LARGE1: variants seen among roughly 807,000 people sequenced by gnomAD.
LARGE1 encodes the protein xylosyl- and glucuronyltransferase LARGE1.
LARGE1 carries 43 observed loss-of-function variants against 87.6 expected under a neutral mutation model. The observed-to-expected ratio is 0.49, with a 90% CI of 0.38 to 0.63. LARGE1 has a LOEUF of 0.63. Ranked by LOEUF, LARGE1 falls within the 30% of genes least tolerant of loss-of-function variation. The probability of loss-of-function intolerance (pLI) is 0.00; values close to 1 mark genes in which losing one functional copy is unlikely to be tolerated. For synonymous variants in LARGE1, 434 were observed against 394.6 expected (o/e 1.10, Z -1.18); for missense variants, 802 against 1,000.2 (o/e 0.80, Z 2.67).
chr22:33,194,097 A>G (rs912132738), intron 11 of LARGE1, among the ~76,000 whole-genome samples: 4 of 151,820 alleles, frequency 2.6e-5, no homozygotes, highest in Non-Finnish European at 5.9e-5. Flanking sequence ...TTTTATACTT[A>G]CTTTTTATAA....
At chr22:33,430,493 A>G (rs544878929) in intron 7 of LARGE1, among the ~76,000 whole-genome samples, 43 of 152,120 alleles carry the variant, frequency 2.8e-4, no homozygotes, top group Non-Finnish European at 4.9e-4. Context: ...CCAACACAGC[A>G]TGGGAGACTC....
intron 2 of LARGE1, among the ~76,000 whole-genome samples, chr22:33,728,012 A>C (rs2083323080): frequency 6.6e-6 from 1 of 152,174 alleles, no homozygotes; most frequent in Non-Finnish European, 1.5e-5. Context: ...CTGATATCAA[A>C]GGCCAAGTGT....
chr22:33,110,172 C>A, the LARGE1 span, among the ~76,000 whole-genome samples: 1 of 152,152 alleles, frequency 6.6e-6, no homozygotes, highest in African/African-American at 2.4e-5. Flanking sequence ...GTTAAATAAC[C>A]TGTTCAAGGC....
chr22:33,844,644 C>T (rs1017895916), intron 1 of LARGE1, among the ~76,000 whole-genome samples: 2 of 151,786 alleles, frequency 1.3e-5, no homozygotes, highest in African/African-American at 4.8e-5. Flanking sequence ...ACTTGCCTAC[C>T]GTGCGAACTT....
intron 1 of LARGE1, among the ~76,000 whole-genome samples, chr22:33,893,743 C>G (rs1384150219): frequency 6.6e-6 from 1 of 152,198 alleles, no homozygotes; most frequent in African/African-American, 2.4e-5. Context: ...TCCCCACTCA[C>G]AAGGTGTTTG....
chr22:33,104,927 C>CTTTCT, the LARGE1 span, among the ~76,000 whole-genome samples: 4 of 143,432 alleles, frequency 2.8e-5, no homozygotes, highest in Admixed American at 2.9e-4. Flanking sequence ...TTCTTTCTTT[C>CTTTCT]TTTCTTTCTT....
chr22:33,783,203 T>C (rs982182054), intron 1 of LARGE1, among the ~76,000 whole-genome samples: 1 of 151,846 alleles, frequency 6.6e-6, no homozygotes, highest in Admixed American at 6.6e-5. Flanking sequence ...ATCAGAGTGA[T>C]GAGAGTCTCT....
At chr22:33,733,698 T>C (rs934919196) in intron 2 of LARGE1, 1 of 152,230 alleles carries the variant, frequency 6.6e-6, no homozygotes, top group African/African-American at 2.4e-5. Flanking sequence ...AAATCACTAG[T>C]TGTTGGGAAT....
chr22:33,571,542 G>T (rs75207079), intron 5 of LARGE1, among the ~76,000 whole-genome samples: 2,294 of 152,274 alleles, frequency 0.015, 27 homozygotes, highest in Middle Eastern at 0.024. Flanking sequence ...AACAGGAAAA[G>T]AGACTGGTTT....
At chr22:33,344,321 G>C (rs1939494264) in intron 9 of LARGE1, among the ~76,000 whole-genome samples, 1 of 152,018 alleles carries the variant, frequency 6.6e-6, no homozygotes, top group South Asian at 2.1e-4. Context: ...ACTGATCTGG[G>C]GGCTGTGAAT....
intron 2 of LARGE1, among the ~76,000 whole-genome samples, chr22:33,670,239 A>G (rs1052113515): frequency 2.6e-5 from 4 of 152,046 alleles, no homozygotes; most frequent in East Asian, 1.9e-4. Flanking sequence ...ATCAATCACT[A>G]TAAAGCCTAG....
At chr22:33,422,291 T>C (rs2066719490) in intron 7 of LARGE1, among the ~76,000 whole-genome samples, 1 of 152,180 alleles carries the variant, frequency 6.6e-6, no homozygotes, top group Non-Finnish European at 1.5e-5. Context: ...CTCGTGTTGC[T>C]ACAGGGAAAT....
chr22:33,187,645 G>A (rs369777508), intron 11 of LARGE1, among the ~76,000 whole-genome samples: 7 of 151,950 alleles, frequency 4.6e-5, no homozygotes, highest in Non-Finnish European at 5.9e-5. Flanking sequence ...GAGGCCGGGC[G>A]CGATGGCTCA....
intron 2 of LARGE1, among the ~76,000 whole-genome samples, chr22:33,718,867 G>A (rs913953353): frequency 2.6e-5 from 4 of 152,030 alleles, no homozygotes; most frequent in South Asian, 2.1e-4. Context: ...CTTGGCTCAC[G>A]GCAACCTCCA....
rs577923280 is a variant in LARGE1 at position 33,617,574 on chromosome 22, T to A, written c.491+8670A>T. 2.6e-5 allele frequency among the ~76,000 whole-genome samples: 4 copies of A among 152,318 alleles called. No individual in the cohort carries two copies. The South Asian group carries it at 8.3e-4, about 32-fold the overall frequency. ...AATAGTCTTTTATGCCAGCTACCAG[T>A]TATAAATACACTTGCGAGCACTGCC... On this transcript the variant is annotated intron_variant, in intron 4 of 14. Coordinates refer to ENST00000397394, the MANE Select transcript of LARGE1 (RefSeq NM_133642.5).
At chr22:33,837,989 C>A (rs559438739) in intron 1 of LARGE1, among the ~76,000 whole-genome samples, 26 of 152,298 alleles carry the variant, frequency 1.7e-4, no homozygotes, top group African/African-American at 6.3e-4. Flanking sequence ...TCTGGCAACT[C>A]GCAATCACTG....
chr22:33,147,710 G>T, the LARGE1 span, among the ~76,000 whole-genome samples: 1 of 152,046 alleles, frequency 6.6e-6, no homozygotes, highest in Non-Finnish European at 1.5e-5. Flanking sequence ...GACCTTATTT[G>T]GTTTTCGGCA....
intron 6 of LARGE1, among the ~76,000 whole-genome samples, chr22:33,538,197 T>A (rs1448494208): frequency 6.6e-6 from 1 of 152,202 alleles, no homozygotes; most frequent in Non-Finnish European, 1.5e-5. Context: ...CCAGCTCTAG[T>A]GCTTCCCCTC....
rs115173480 is a variant in LARGE1, at chr22:33,579,707, C to T, written c.616-14688G>A. Among the ~76,000 whole-genome samples, 1,392 of 152,224 alleles carry T rather than the reference C, an allele frequency of 9.1e-3. 21 individuals carry two copies. The highest frequency in any genetic ancestry group is 0.031 in the African/African-American group (1,302 of 41,542). On this transcript the variant is annotated intron_variant, in intron 5 of 14. Transcript: ENST00000397394. ...GCTTGTTTGGGTTTGGAACACAAGC[C>T]ATGCTAAAGTGTCATCCAGAGTGGC...
Sources: allele counts gnomAD v4.1 joint callset (sites outside exome capture counted in the v4.1 genomes callset), GRCh38; gene constraint gnomAD v4.1.1; transcripts MANE v1.5; gene names NCBI Gene and HGNC (gene_info 2026-07-23, HGNC 2026-07-21).